ADGRL4: variants seen among roughly 807,000 people sequenced by gnomAD.
ADGRL4 encodes EGF, latrophilin and seven transmembrane domain containing 1.
A neutral mutation model predicts 74.8 loss-of-function variants in ADGRL4; 90 were observed. The ratio of observed to expected loss-of-function variants is 1.20; its 90% CI spans 1.02 to 1.43. ADGRL4 has a LOEUF of 1.43. ADGRL4 is among the 40% of genes most tolerant of loss of function. ADGRL4 has a pLI of 0.00. For missense variants in ADGRL4, 881 were observed against 814.3 expected, an observed-to-expected ratio of 1.08 and a Z score of -1.00; for synonymous variants, 311 against 279.2, an observed-to-expected ratio of 1.11 and a Z score of -1.14.
chr1:78,998,322 A>G (rs1446466839), intron 2 of ADGRL4, among the ~76,000 whole-genome samples: 1 of 138,000 alleles, frequency 7.2e-6, no homozygotes, highest in Non-Finnish European at 1.5e-5. Flanking sequence ...CTTGTACTTG[A>G]CCTACGCATT....
chr1:78,990,527 A>G (rs1254566786), intron 2 of ADGRL4, among the ~76,000 whole-genome samples: 2 of 151,980 alleles, frequency 1.3e-5, no homozygotes, highest in East Asian at 3.8e-4. Flanking sequence ...ATTTATTCTT[A>G]AAGCAACCAT....
At chr1:78,998,361 T>TC (rs1209695726) in intron 2 of ADGRL4, among the ~76,000 whole-genome samples, 1 of 126,128 alleles carries the variant, frequency 7.9e-6, no homozygotes, top group African/African-American at 3.0e-5. Context: ...TTCCACTGAT[T>TC]CTTTTTTTTT....
In ADGRL4 at chr1:78,917,907, G is replaced by A; in HGVS notation, c.1605C>T (p.Ile535=). 1 of 1,612,664 alleles carries A rather than the reference G, an allele frequency of 6.2e-7. No homozygotes were observed. Among genetic ancestry groups the A allele is most frequent in the South Asian group, 1.1e-5 (1 of 91,054 alleles). ...NKGFLHKNFY[I]FGYLSPAVVV... Reference sequence around the variant, plus strand: ...CCACGGCTGGGCTTAGATAGCCAAAGATATAAAAATTCTTGTGCAAAAATC... The same window carrying A: ...CCACGGCTGGGCTTAGATAGCCAAAAATATAAAAATTCTTGTGCAAAAATC... Residue 535 remains isoleucine, a synonymous_variant, in exon 11 of 15, where the codon ATC becomes ATT. Transcript: ENST00000370742.
intron 2 of ADGRL4, among the ~76,000 whole-genome samples, chr1:78,996,495 G>T (rs1253576455): frequency 6.6e-6 from 1 of 152,160 alleles, no homozygotes; most frequent in Admixed American, 6.5e-5. Context: ...GAAGGCACAG[G>T]CACATTCCAT....
intron 10 of ADGRL4, among the ~76,000 whole-genome samples, chr1:78,919,040 C>T (rs1048924586): frequency 6.6e-6 from 1 of 151,926 alleles, no homozygotes; most frequent in East Asian, 1.9e-4. Context: ...GTGGGAGATA[C>T]ATAAAATTGA....
chr1:78,913,395 G>C (rs1648802726), intron 12 of ADGRL4, among the ~76,000 whole-genome samples: 1 of 151,940 alleles, frequency 6.6e-6, no homozygotes, highest in African/African-American at 2.4e-5. Flanking sequence ...ATCAGTGGTA[G>C]ACTGAATAAA....
chr1:78,905,582 G>C (rs1426551953), intron 12 of ADGRL4, among the ~76,000 whole-genome samples: 1 of 151,888 alleles, frequency 6.6e-6, no homozygotes, highest in East Asian at 1.9e-4. Context: ...AAATGAGTGT[G>C]GCTGTATCCC....
intron 2 of ADGRL4, among the ~76,000 whole-genome samples, chr1:78,965,711 T>C (rs1467181309): frequency 2.0e-5 from 3 of 152,184 alleles, no homozygotes; most frequent in African/African-American, 4.8e-5. Flanking sequence ...TCTAGGCCAG[T>C]AAATTAACTC....
At chr1:78,957,822 A>C (rs1649866255) in intron 2 of ADGRL4, among the ~76,000 whole-genome samples, 1 of 152,192 alleles carries the variant, frequency 6.6e-6, no homozygotes, top group African/African-American at 2.4e-5. Flanking sequence ...TATTGGAAGA[A>C]GATGCCCTGT....
intron 2 of ADGRL4, among the ~76,000 whole-genome samples, chr1:79,001,173 A>C: frequency 3.4e-4 from 1 of 2,944 alleles, no homozygotes; most frequent in East Asian, 0.029. Flanking sequence ...GAAGGAAGGG[A>C]GAGGGGGGGG....
chr1:78,952,025 C>A (rs1345795399), intron 2 of ADGRL4, among the ~76,000 whole-genome samples: 1 of 151,738 alleles, frequency 6.6e-6, no homozygotes, highest in African/African-American at 2.4e-5. Flanking sequence ...AGAATCTCAA[C>A]AAGATTTTAG....
intron 2 of ADGRL4, among the ~76,000 whole-genome samples, chr1:78,955,447 T>G (rs1348733574): frequency 1.3e-5 from 2 of 152,156 alleles, no homozygotes; most frequent in Non-Finnish European, 2.9e-5. Flanking sequence ...TTTGTAATCA[T>G]GTCTTGCATT....
At chr1:78,894,316 C>T (rs1013822524) in intron 12 of ADGRL4, among the ~76,000 whole-genome samples, 1 of 151,664 alleles carries the variant, frequency 6.6e-6, no homozygotes, top group South Asian at 2.1e-4. Flanking sequence ...ATGGAGGGGT[C>T]CTTGAGAGGA....
intron 2 of ADGRL4, among the ~76,000 whole-genome samples, chr1:78,963,974 G>C (rs1487548855): frequency 6.6e-6 from 1 of 152,192 alleles, no homozygotes; most frequent in Non-Finnish European, 1.5e-5. Flanking sequence ...GGGTCAGTTA[G>C]AAGTTGCTTT....
At chr1:78,903,977 ATAAT>A (rs1648575297) in intron 12 of ADGRL4, among the ~76,000 whole-genome samples, 1 of 130,226 alleles carries the variant, frequency 7.7e-6, no homozygotes, top group African/African-American at 2.8e-5. Flanking sequence ...AAATAAATAA[ATAAT>A]AATAATAATA....
At chr1:78,936,571 A>T (rs940012420) in intron 6 of ADGRL4, among the ~76,000 whole-genome samples, 160 bp from the exon 7 acceptor site, 2 of 152,194 alleles carry the variant, frequency 1.3e-5, no homozygotes, top group African/African-American at 4.8e-5. Flanking sequence ...AATGTAATGT[A>T]TATGTTAAAA....
intron 2 of ADGRL4, among the ~76,000 whole-genome samples, chr1:78,990,162 G>A (rs1650576665): frequency 6.6e-6 from 1 of 151,870 alleles, no homozygotes; most frequent in Non-Finnish European, 1.5e-5. Flanking sequence ...AAATAAGCAA[G>A]CCATTTTTCC....
chr1:78,916,909 A>T (rs1485012744), intron 12 of ADGRL4, among the ~76,000 whole-genome samples: 6 of 152,000 alleles, frequency 3.9e-5, no homozygotes, highest in African/African-American at 1.4e-4. Flanking sequence ...CAGGACTTAG[A>T]AATGCTCTTC....
At position 78,890,012 on chromosome 1, in the gene ADGRL4, G is replaced by T; in HGVS notation, c.*1142C>A. The T allele has an allele frequency of 4.7e-6, 1 of 213,918 alleles. No individual in the cohort carries two copies. The highest frequency in any genetic ancestry group is 6.7e-5 in the South Asian group (1 of 14,932). 13.3% of individuals were successfully genotyped at this position (213,918 alleles called of 1,614,324 possible). A position where few individuals can be genotyped will look rare whatever the true frequency, so the allele number is the denominator to read the frequency against. ...GATAGTAGAAAACTGTCAGAAAATG[G>T]ATCCACTGTGAAAACCTCTACAGTT... On this transcript the variant is annotated 3_prime_UTR_variant, in exon 15 of 15. Coordinates refer to ENST00000370742, the MANE Select transcript of ADGRL4 (RefSeq NM_022159.4).
Sources: allele counts gnomAD v4.1 joint callset (sites outside exome capture counted in the v4.1 genomes callset), GRCh38; gene constraint gnomAD v4.1.1; transcripts MANE v1.5; gene names NCBI Gene and HGNC (gene_info 2026-07-23, HGNC 2026-07-21).